The following ROBO2 variants were observed in gnomAD, a reference collection of about 807,000 sequenced individuals.
ROBO2 encodes the protein roundabout guidance receptor 2.
A neutral mutation model predicts 160.8 loss-of-function variants in ROBO2; 53 were observed. The observed-to-expected ratio is 0.33, with a 90% confidence interval of 0.26 to 0.41. The LOEUF is 0.41. Ranked by LOEUF, ROBO2 falls within the 10% of genes least tolerant of loss-of-function variation. The pLI is 1.00. For missense variants in ROBO2, 1,577 were observed against 1,722.4 expected (o/e 0.92, Z 1.49); for synonymous variants, 664 against 611.7 (o/e 1.09, Z -1.26).
Position 77,365,394 on chromosome 3 carries a change from G to T in ROBO2, c.389-112020G>T, listed in dbSNP as rs575337174. ...GGGAGTTACTGACAGCTATTTTTTT[G>T]GGAGGCTCTGCTTGAATTTAGATAA... On this transcript the variant is annotated intron_variant, in intron 2 of 25. Transcript: ENST00000461745. Among the ~76,000 whole-genome samples, 24 of 152,080 alleles carry T rather than the reference G, an allele frequency of 1.6e-4. 1 individual carries two copies. In the South Asian group the frequency reaches 4.1e-3, roughly 26 times the overall value.
chr3:77,445,796 T>G (rs1387845770), intron 2 of ROBO2, among the ~76,000 whole-genome samples: 50 of 66,344 alleles, frequency 7.5e-4, no homozygotes, highest in South Asian at 1.0e-3. Flanking sequence ...TTTTTTTTGT[T>G]TTTTTTTTTT....
chr3:76,095,413 A>G (rs924728871), intron 2 of ROBO2, among the ~76,000 whole-genome samples: 2 of 152,050 alleles, frequency 1.3e-5, no homozygotes, highest in Non-Finnish European at 2.9e-5. Context: ...AGATAATATA[A>G]TAAAAGAAAA....
chr3:77,280,655 GA>G lies in ROBO2; in HGVS notation c.388+182318del, dbSNP rs577468386. ...AAATAAGGTCATTACATGGTCTCAT[GA>G]AACCCCTGCCAATCCTATGACTTGA... is the stretch of plus-strand genomic sequence containing the variant. On this transcript the variant is annotated intron_variant, in intron 2 of 25. Transcript: ENST00000461745. Among the ~76,000 whole-genome samples, 961 of 150,568 alleles carry G rather than the reference GA, an allele frequency of 6.4e-3. 7 individuals carry two copies. Among genetic ancestry groups the G allele is most frequent in the Non-Finnish European group, 8.8e-3 (590 of 66,896 alleles).
intron 2 of ROBO2, among the ~76,000 whole-genome samples, chr3:76,888,075 G>A (rs946576777): frequency 6.6e-6 from 1 of 152,156 alleles, no homozygotes; most frequent in Non-Finnish European, 1.5e-5. Flanking sequence ...AATGAATCTA[G>A]TTAAGTATTG....
intron 2 of ROBO2, among the ~76,000 whole-genome samples, chr3:77,329,953 G>T (rs1397341976): frequency 6.6e-6 from 1 of 152,192 alleles, no homozygotes; most frequent in Non-Finnish European, 1.5e-5. Context: ...TCTTGGAGAT[G>T]ATGGAAGCTC....
chr3:76,155,792 C>T (rs1288763908), intron 2 of ROBO2, among the ~76,000 whole-genome samples: 1 of 152,146 alleles, frequency 6.6e-6, no homozygotes, highest in Non-Finnish European at 1.5e-5. Flanking sequence ...TAAAGAATAT[C>T]TGTAATCCTC....
intron 2 of ROBO2, among the ~76,000 whole-genome samples, chr3:76,094,933 C>A (rs1370637106): frequency 6.6e-6 from 1 of 152,042 alleles, no homozygotes; most frequent in Middle Eastern, 3.2e-3. Flanking sequence ...GGACAACTGA[C>A]TGATATGAAA....
intron 3 of ROBO2, among the ~76,000 whole-genome samples, chr3:77,478,149 C>G (rs879701920): frequency 2.6e-5 from 4 of 152,056 alleles, no homozygotes; most frequent in Non-Finnish European, 5.9e-5. Context: ...TTTATAAAAT[C>G]TCCAGAAGCT....
chr3:76,909,724 T>C (rs1203967545), intron 2 of ROBO2, among the ~76,000 whole-genome samples: 1 of 152,210 alleles, frequency 6.6e-6, no homozygotes, highest in Non-Finnish European at 1.5e-5. Flanking sequence ...CATTAGAGTC[T>C]CATAATTCTA....
intron 2 of ROBO2, among the ~76,000 whole-genome samples, chr3:76,539,299 C>T (rs2082688725): frequency 6.6e-6 from 1 of 150,594 alleles, no homozygotes; most frequent in Non-Finnish European, 1.5e-5. Context: ...CACCATGGCA[C>T]ATGTGTACAT....
rs1228555112 is a variant in ROBO2, at chr3:76,274,828, C to T, written c.109+337226C>T. ...CTCCAGCCTGGGCAACAGAGTGAGA[C>T]TCCTTTTCAAAAAAAAAAAAAAAAG... On this transcript the variant is annotated intron_variant, in intron 2 of 26. Transcript: ENST00000487694. 5.6e-5 allele frequency among the ~76,000 whole-genome samples: 8 copies of T among 141,704 alleles called. No individual in the cohort carries two copies. The South Asian group carries it at 1.3e-3, about 24-fold the overall frequency. 93.0% of individuals were successfully genotyped at this position (141,704 alleles called of 152,430 possible). A position where few individuals can be genotyped will look rare whatever the true frequency, so the allele number is the denominator to read the frequency against.
intron 2 of ROBO2, among the ~76,000 whole-genome samples, chr3:76,622,191 A>AAGGAAGGAAGGAAGG (rs2089152361): frequency 3.0e-5 from 2 of 65,894 alleles, no homozygotes; most frequent in African/African-American, 1.2e-4. Context: ...TAAAAAAAAG[A>AAGGAAGGAAGGAAGG]AAGGAAGGAA....
At chr3:77,353,100 G>GA (rs1182310097) in intron 2 of ROBO2, among the ~76,000 whole-genome samples, 1 of 141,110 alleles carries the variant, frequency 7.1e-6, no homozygotes, top group African/African-American at 2.6e-5. Flanking sequence ...CTTTTTCATA[G>GA]TTTAAAAATT....
chr3:77,124,324 A>G (rs1481838861), intron 2 of ROBO2, among the ~76,000 whole-genome samples: 3 of 152,186 alleles, frequency 2.0e-5, no homozygotes, highest in African/African-American at 4.8e-5. Flanking sequence ...AGAAGGAAAT[A>G]GCACGGTGAA....
chr3:77,098,890 G>A (rs1003197090), intron 2 of ROBO2, among the ~76,000 whole-genome samples: 3 of 150,868 alleles, frequency 2.0e-5, no homozygotes, highest in African/African-American at 7.3e-5. Flanking sequence ...AAACAATTAT[G>A]CCTTAAAATT....
At chr3:77,594,565 A>G (rs1170637147) in intron 17 of ROBO2, among the ~76,000 whole-genome samples, 1 of 152,078 alleles carries the variant, frequency 6.6e-6, no homozygotes, top group Non-Finnish European at 1.5e-5. Flanking sequence ...TGAAAATTTC[A>G]TTTTCATGAG....
chr3:77,332,410 G>T (rs1016310232), intron 2 of ROBO2, among the ~76,000 whole-genome samples: 9 of 152,126 alleles, frequency 5.9e-5, no homozygotes, highest in Admixed American at 3.9e-4. Context: ...TTTTACAGAG[G>T]TAGTATTATG....
intron 2 of ROBO2, among the ~76,000 whole-genome samples, chr3:76,740,824 G>A (rs2093789797): frequency 6.6e-6 from 1 of 151,862 alleles, no homozygotes; most frequent in African/African-American, 2.4e-5. Flanking sequence ...ACATTTTCTT[G>A]TTTTACATTA....
intron 2 of ROBO2, among the ~76,000 whole-genome samples, chr3:76,019,151 C>G (rs1476097256): frequency 6.6e-6 from 1 of 151,418 alleles, no homozygotes; most frequent in Non-Finnish European, 1.5e-5. Flanking sequence ...CTAATATTTG[C>G]ATTATGGTCT....
Sources: gnomAD v4.1 joint callset for allele counts (sites outside exome capture counted in the v4.1 genomes callset) on GRCh38, gnomAD v4.1.1 for gene constraint, MANE v1.5 for transcripts, NCBI Gene and HGNC (gene_info 2026-07-23, HGNC 2026-07-21) for gene names.